UNC5D: variants seen among roughly 807,000 people sequenced by gnomAD.
The protein encoded by UNC5D is unc-5 netrin receptor D, also known as netrin receptor UNC5D.
UNC5D carries 39 observed loss-of-function variants against 105.4 expected under a neutral mutation model. The ratio of observed to expected loss-of-function variants is 0.37; its 90% CI spans 0.29 to 0.48. The LOEUF (loss-of-function observed/expected upper bound fraction) is 0.48, where lower values mean the gene tolerates loss of function less well. Ranked by LOEUF, UNC5D falls within the 20% of genes least tolerant of loss-of-function variation. The pLI, the probability that UNC5D is intolerant of heterozygous loss-of-function variation, is 0.98. For missense variants in UNC5D, 991 were observed against 1,202.4 expected (o/e 0.82, Z 2.60); for synonymous variants, 452 against 450.4 (o/e 1.00, Z -0.04).
chr8:35,465,313 G>A (rs1809223938), intron 1 of UNC5D, among the ~76,000 whole-genome samples: 2 of 152,148 alleles, frequency 1.3e-5, no homozygotes, highest in Non-Finnish European at 2.9e-5. Flanking sequence ...GACCACATGT[G>A]CCTGGCATGT....
At chr8:35,493,652 T>C (rs756420142) in intron 1 of UNC5D, among the ~76,000 whole-genome samples, 1 of 152,192 alleles carries the variant, frequency 6.6e-6, no homozygotes, top group Non-Finnish European at 1.5e-5. Flanking sequence ...GTTGTTGGTG[T>C]TACAAATATG....
In UNC5D at chr8:35,578,269, C is replaced by T. The variant is rs4999182; in HGVS notation, c.466+10028C>T. ...GAAAGAAAAAAGAAAAACTCTGTCT[C>T]AAAAAAAAAAAAGAAAGAGAAAAGA... is the stretch of plus-strand genomic sequence containing the variant. On this transcript the variant is annotated intron_variant, in intron 3 of 16. Transcript: ENST00000404895. Among the ~76,000 whole-genome samples, 284 of 71,108 alleles carry T rather than the reference C, an allele frequency of 4.0e-3. 3 individuals carry two copies. The highest frequency in any genetic ancestry group is 0.016 in the African/African-American group (232 of 14,264). 46.6% of individuals were successfully genotyped at this position (71,108 alleles called of 152,430 possible).
chr8:35,301,195 G>A (rs537159787), intron 1 of UNC5D, among the ~76,000 whole-genome samples: 23 of 152,220 alleles, frequency 1.5e-4, no homozygotes, highest in Middle Eastern at 3.4e-3. Context: ...CAGAAAGTAC[G>A]AAGGGGTCCA....
At chr8:35,750,142 T>C (rs1042794756) in intron 12 of UNC5D, among the ~76,000 whole-genome samples, 2 of 149,050 alleles carry the variant, frequency 1.3e-5, no homozygotes, top group African/African-American at 5.1e-5. Flanking sequence ...ATTTCTTGAG[T>C]TTTTTTTTCT....
intron 1 of UNC5D, 152 bp from the exon 2 acceptor site, chr8:35,549,140 A>C (rs1409924591): frequency 1.2e-5 from 9 of 725,450 alleles, no homozygotes; most frequent in Non-Finnish European, 2.0e-5. Flanking sequence ...CTAGAAGATA[A>C]TTCATCTACA....
intron 1 of UNC5D, among the ~76,000 whole-genome samples, chr8:35,510,857 G>A (rs1812655553): frequency 6.6e-6 from 1 of 152,126 alleles, no homozygotes; most frequent in Non-Finnish European, 1.5e-5. Flanking sequence ...ATCAATGTCT[G>A]GTATTTATTT....
intron 1 of UNC5D, among the ~76,000 whole-genome samples, chr8:35,506,149 G>C (rs772407358): frequency 2.6e-5 from 4 of 152,096 alleles, no homozygotes; most frequent in Non-Finnish European, 5.9e-5. Flanking sequence ...AGAAACCCAG[G>C]TACTTTTGAT....
At chr8:35,746,856 C>G (rs529457670) in intron 11 of UNC5D, among the ~76,000 whole-genome samples, 1 of 152,188 alleles carries the variant, frequency 6.6e-6, no homozygotes, top group Non-Finnish European at 1.5e-5. Context: ...ACATGAAAAG[C>G]ACTTCACCCT....
At chr8:35,748,796 T>C in intron 12 of UNC5D, 101 bp downstream of exon 12, 1 of 1,385,694 alleles carries the variant, frequency 7.2e-7, no homozygotes, top group Non-Finnish European at 9.7e-7. Context: ...CATTTCGTTG[T>C]TGGCAAAGGG....
chr8:35,539,579 G>A (rs944569386), intron 1 of UNC5D, among the ~76,000 whole-genome samples: 3 of 152,170 alleles, frequency 2.0e-5, no homozygotes, highest in Admixed American at 6.6e-5. Context: ...CTTAGAACTC[G>A]TTGACAAGTT....
intron 2 of UNC5D, among the ~76,000 whole-genome samples, chr8:35,555,486 A>G (rs1816475712): frequency 6.6e-6 from 1 of 152,152 alleles, no homozygotes; most frequent in African/African-American, 2.4e-5. Flanking sequence ...TAAATCCTTG[A>G]CCAGTCTCTT....
intron 16 of UNC5D, among the ~76,000 whole-genome samples, chr8:35,781,111 T>A (rs1346339987): frequency 6.6e-6 from 1 of 152,108 alleles, no homozygotes; most frequent in Non-Finnish European, 1.5e-5. Context: ...TGGTCCAGTG[T>A]GGATTTATAC....
intron 1 of UNC5D, among the ~76,000 whole-genome samples, chr8:35,447,429 G>T (rs976020602): frequency 6.6e-6 from 1 of 152,036 alleles, no homozygotes; most frequent in Non-Finnish European, 1.5e-5. Flanking sequence ...CAAAAAGGAA[G>T]TGGCCTATGG....
intron 4 of UNC5D, among the ~76,000 whole-genome samples, chr8:35,644,116 C>T (rs1432254952): frequency 2.6e-5 from 4 of 152,114 alleles, no homozygotes; most frequent in African/African-American, 4.8e-5. Flanking sequence ...TCATGTATTG[C>T]GGACATTTGT....
intron 1 of UNC5D, among the ~76,000 whole-genome samples, chr8:35,384,666 A>G (rs1803270811): frequency 6.6e-6 from 1 of 152,252 alleles, no homozygotes; most frequent in South Asian, 2.1e-4. Flanking sequence ...GAGCTGAGCC[A>G]GTGACCCACA....
At chr8:35,688,648 C>T (rs181747746) in intron 7 of UNC5D, among the ~76,000 whole-genome samples, 22 of 152,292 alleles carry the variant, frequency 1.4e-4, no homozygotes, top group Non-Finnish European at 7.3e-5. Context: ...AAAGCTTTCC[C>T]GCTTCCTAAA....
chr8:35,297,494 A>T (rs1392897089), intron 1 of UNC5D, among the ~76,000 whole-genome samples: 2 of 152,148 alleles, frequency 1.3e-5, no homozygotes, highest in Non-Finnish European at 2.9e-5. Flanking sequence ...ACATCTATTG[A>T]TGATATTGTT....
intron 8 of UNC5D, among the ~76,000 whole-genome samples, chr8:35,720,531 G>C (rs925980421): frequency 6.6e-6 from 1 of 152,186 alleles, no homozygotes; most frequent in Admixed American, 6.5e-5. Context: ...TGTGTCCTCT[G>C]TCTGCTCTGG....
At chr8:35,677,908 ATG>A (rs762072143) in intron 4 of UNC5D, among the ~76,000 whole-genome samples, 9 of 145,200 alleles carry the variant, frequency 6.2e-5, no homozygotes, top group Non-Finnish European at 7.7e-5. Context: ...GTGTGTGTGT[ATG>A]TGTGTGTGTA....
Sources: allele counts gnomAD v4.1 joint callset (sites outside exome capture counted in the v4.1 genomes callset), GRCh38; gene constraint gnomAD v4.1.1; transcripts MANE v1.5; gene names NCBI Gene and HGNC (gene_info 2026-07-23, HGNC 2026-07-21).